TTC6: variants seen among roughly 807,000 people sequenced by gnomAD.
The protein encoded by TTC6 is tetratricopeptide repeat domain 6.
TTC6 carries 172 observed loss-of-function variants against 210.4 expected under a neutral mutation model. The ratio of observed to expected loss-of-function variants is 0.82; its 90% CI spans 0.72 to 0.93. The LOEUF (loss-of-function observed/expected upper bound fraction) is 0.93, where lower values mean the gene tolerates loss of function less well. Ranked by LOEUF, TTC6 falls within the 40% of genes least tolerant of loss-of-function variation. TTC6 has a pLI of 0.00. For missense variants in TTC6, 2,414 were observed against 2,318.1 expected (o/e 1.04, Z -0.85); for synonymous variants, 804 against 819.6 (o/e 0.98, Z 0.32).
chr14:37,773,561 G>A (rs542140699), intron 14 of TTC6, among the ~76,000 whole-genome samples: 21 of 152,190 alleles, frequency 1.4e-4, no homozygotes, highest in African/African-American at 5.1e-4. Flanking sequence ...AACATCAGAT[G>A]GTTGTAGGTG....
intron 14 of TTC6, among the ~76,000 whole-genome samples, chr14:37,776,043 CTTTTTTTTTTTT>C (rs1163694975): frequency 3.8e-5 from 1 of 26,270 alleles, no homozygotes; most frequent in Admixed American, 6.5e-4. Flanking sequence ...GGTCTTGATT[CTTTTTTTTTTTT>C]TTTTTTTTTT....
chr14:37,737,454 T>C (rs2095904878), intron 8 of TTC6, among the ~76,000 whole-genome samples: 1 of 152,162 alleles, frequency 6.6e-6, no homozygotes, highest in Non-Finnish European at 1.5e-5. Context: ...GTTTTTATTA[T>C]TATACACTTT....
chr14:37,778,406 G>A (rs2096044604), intron 14 of TTC6, among the ~76,000 whole-genome samples: 1 of 149,266 alleles, frequency 6.7e-6, no homozygotes, highest in Admixed American at 6.6e-5. Context: ...TAGGGGTGGT[G>A]CTGCTGATCT....
At chr14:37,614,652 T>C (rs965423618) in intron 2 of TTC6, among the ~76,000 whole-genome samples, 2 of 152,168 alleles carry the variant, frequency 1.3e-5, no homozygotes. Context: ...AGGTTTTTTT[T>C]TTTTAATCTG....
At chr14:37,693,263 AAAAG>A (rs2095807783) in intron 3 of TTC6, among the ~76,000 whole-genome samples, 1 of 152,144 alleles carries the variant, frequency 6.6e-6, no homozygotes, top group Non-Finnish European at 1.5e-5. Context: ...AACAAACTGA[AAAAG>A]AAGTAAAAAG....
At chr14:37,787,542 A>C in exon 15 of TTC6, 1 of 1,532,034 alleles carries the variant, frequency 6.5e-7, no homozygotes, top group Non-Finnish European at 8.7e-7. Context: ...GCTGCAATTC[A>C]CTTAGATCCT....
intron 14 of TTC6, among the ~76,000 whole-genome samples, chr14:37,772,865 C>T (rs1441464295): frequency 6.6e-6 from 1 of 152,212 alleles, no homozygotes; most frequent in Non-Finnish European, 1.5e-5. Flanking sequence ...AACTAGTTTA[C>T]ATCCCCACTA....
At chr14:37,745,358 T>C (rs868132410) in intron 10 of TTC6, among the ~76,000 whole-genome samples, 7 of 152,198 alleles carry the variant, frequency 4.6e-5, no homozygotes, top group Non-Finnish European at 8.8e-5. Flanking sequence ...ATGGTGGGAA[T>C]TGCCACCTAT....
At chr14:37,664,012 C>T (rs1029632917) in intron 1 of TTC6, among the ~76,000 whole-genome samples, 1 of 137,714 alleles carries the variant, frequency 7.3e-6, no homozygotes, top group Admixed American at 7.0e-5. Context: ...ATGACCCAAA[C>T]AAATGGAGAA....
At chr14:37,632,463 G>T (rs2095671754) in intron 1 of TTC6, among the ~76,000 whole-genome samples, 1 of 152,206 alleles carries the variant, frequency 6.6e-6, no homozygotes, top group African/African-American at 2.4e-5. Context: ...GAACGGCAAA[G>T]ATTGCTGCCT....
intron 1 of TTC6, among the ~76,000 whole-genome samples, chr14:37,600,726 G>A (rs1216223485): frequency 1.3e-5 from 2 of 152,064 alleles, no homozygotes; most frequent in Non-Finnish European, 2.9e-5. Flanking sequence ...ATTATGCTTT[G>A]GACTGCTGAC....
intron 1 of TTC6, among the ~76,000 whole-genome samples, chr14:37,630,884 C>T (rs2095668146): frequency 1.0e-5 from 1 of 97,132 alleles, no homozygotes; most frequent in African/African-American, 4.1e-5. Context: ...TCTGTTTTGT[C>T]AGAGACTAGG....
intron 2 of TTC6, among the ~76,000 whole-genome samples, chr14:37,616,739 CAA>C (rs11416796): frequency 2.7e-4 from 27 of 98,200 alleles, no homozygotes; most frequent in Admixed American, 5.1e-4. Flanking sequence ...TACTCCATCT[CAA>C]AAAAAAAAAA....
intron 17 of TTC6, among the ~76,000 whole-genome samples, chr14:37,795,027 A>G (rs1026120154): frequency 2.0e-5 from 3 of 152,200 alleles, no homozygotes; most frequent in Admixed American, 1.3e-4. Context: ...GTGAAATAGT[A>G]TATGTAGATA....
At chr14:37,628,599 T>G (rs2139328464) in intron 1 of TTC6, among the ~76,000 whole-genome samples, 1 of 152,328 alleles carries the variant, frequency 6.6e-6, no homozygotes, top group South Asian at 2.1e-4. Flanking sequence ...GTGCAGAAGC[T>G]TTTTAGTTTA....
rs55775703 is a variant in TTC6 at position 37,651,425 on chromosome 14, A to ATTTT, written c.939+28447_939+28450dup. On this transcript the variant is annotated intron_variant, in intron 1 of 30. Coordinates refer to ENST00000553443, the Ensembl canonical transcript of TTC6. ...TATATATATATATATATATATATAT[A>ATTTT]TTTTTTTTTTTTTTTTTTTTTTTTT... Among the ~76,000 whole-genome samples, 5 of 23,904 alleles carry ATTTT rather than the reference A, an allele frequency of 2.1e-4. 1 individual carries two copies. In the East Asian group the frequency reaches 4.6e-3, roughly 22 times the overall value. The allele number at this position is 23,904 out of a possible 152,430, so 15.7% of individuals were successfully genotyped here.
At chr14:37,813,793 C>T (rs1333065657) in intron 25 of TTC6, among the ~76,000 whole-genome samples, 1 of 152,082 alleles carries the variant, frequency 6.6e-6, no homozygotes, top group Non-Finnish European at 1.5e-5. Context: ...ATTCTTGTCC[C>T]CTCTTTCCTC....
intron 20 of TTC6, among the ~76,000 whole-genome samples, chr14:37,798,951 T>A (rs563663158): frequency 7.9e-5 from 12 of 152,294 alleles, no homozygotes; most frequent in African/African-American, 2.6e-4. Flanking sequence ...TCAGAATATA[T>A]AATCTTTTTG....
intron 1 of TTC6, among the ~76,000 whole-genome samples, chr14:37,672,821 ATTT>A (rs377117749): frequency 9.2e-4 from 119 of 128,976 alleles, no homozygotes; most frequent in Middle Eastern, 8.8e-3. Flanking sequence ...TGAATTCCTC[ATTT>A]TTTTTTTTTT....
Sources: gnomAD v4.1 joint callset for allele counts (sites outside exome capture counted in the v4.1 genomes callset) on GRCh38, gnomAD v4.1.1 for gene constraint, MANE v1.5 for transcripts, NCBI Gene and HGNC (gene_info 2026-07-23, HGNC 2026-07-21) for gene names.